SORBS3: variants seen among roughly 807,000 people sequenced by gnomAD.
SORBS3 encodes the protein vinexin.
In SORBS3, 69 loss-of-function variants were observed where a neutral mutation model predicts 98.0. The observed-to-expected ratio is 0.70, with a 90% confidence interval of 0.58 to 0.86. SORBS3 has a LOEUF of 0.86. Among genes scored for constraint, SORBS3 ranks in the 40% least tolerant of loss-of-function variants. The probability of loss-of-function intolerance (pLI) is 0.00; values close to 1 mark genes in which losing one functional copy is unlikely to be tolerated. For synonymous variants in SORBS3, 394 were observed against 355.4 expected (o/e 1.11, Z -1.22); for missense variants, 954 against 908.5 (o/e 1.05, Z -0.64).
At chr8:22,553,927 T>C (rs1183530065) in intron 1 of SORBS3, among the ~76,000 whole-genome samples, 2 of 152,200 alleles carry the variant, frequency 1.3e-5, no homozygotes, top group Non-Finnish European at 2.9e-5. Context: ...CTTGGCCCTA[T>C]TGGGCTTAAG....
In SORBS3 at chr8:22,571,203, G is replaced by A. The variant is rs1840574219; in HGVS notation, c.1725G>A (p.Glu575=). The A allele has an allele frequency of 5.8e-6, 9 of 1,554,440 alleles. No homozygotes were observed. Among genetic ancestry groups the A allele is most frequent in the Non-Finnish European group, 7.8e-6 (9 of 1,152,218 alleles). The part of the protein sequence containing the change: ...RRTGFSFPTQ[E]PRPQTQNLGT... The stretch of plus-strand genomic sequence containing the variant: ...CTGGCTTCTCCTTCCCCACCCAGGA[G>A]CCTAGACCCCAGACCCAGGTGAGGT... Residue 575 remains glutamate (E), a synonymous_variant, in exon 18 of 21, where the codon GAG becomes GAA. Coordinates refer to ENST00000240123, the MANE Select transcript of SORBS3 (RefSeq NM_005775.5).
chr8:22,554,790 G>C lies in SORBS3; in HGVS notation c.103-73G>C. 1 of 1,472,590 alleles carries C rather than the reference G, an allele frequency of 6.8e-7. No homozygotes were observed. The highest frequency in any genetic ancestry group is 9.4e-7 in the Non-Finnish European group (1 of 1,069,144). The allele number at this position is 1,472,590 out of a possible 1,614,324, so 91.2% of individuals were successfully genotyped here. On this transcript the variant is annotated intron_variant, in intron 2 of 20. Coordinates refer to ENST00000240123, the MANE Select transcript of SORBS3 (RefSeq NM_005775.5). The surrounding 1 kb of genome is among the most constrained non-coding windows in gnomAD (Gnocchi z 6.5). Reference sequence around the variant, plus strand: ...CTGGGACTGTCACCGAGGGGTGTGGGCTGTGCCTAGTAGCCATCCCTCCCT... The same window carrying C: ...CTGGGACTGTCACCGAGGGGTGTGGCCTGTGCCTAGTAGCCATCCCTCCCT...
intron 17 of SORBS3, among the ~76,000 whole-genome samples, 190 bp from the exon 18 acceptor site, chr8:22,570,720 T>TGCCTGGGCA (rs1468615696): frequency 5.3e-5 from 8 of 152,186 alleles, no homozygotes; most frequent in Non-Finnish European, 1.2e-4. Flanking sequence ...GCCTCAGCCT[T>TGCCTGGGCA]GCCTGGGCAG....
chr8:22,557,548 G>C (rs796171227), intron 4 of SORBS3, among the ~76,000 whole-genome samples: 35 of 152,280 alleles, frequency 2.3e-4, no homozygotes, highest in African/African-American at 8.2e-4. Flanking sequence ...ACTCACGCCT[G>C]TAATCCCAGC....
At chr8:22,570,802 C>A in intron 17 of SORBS3, 108 bp from the exon 18 acceptor site, 8 of 984,420 alleles carry the variant, frequency 8.1e-6, no homozygotes, top group Non-Finnish European at 1.2e-5. Context: ...GCGATTCCGA[C>A]CCCTCGTGTG....
intron 1 of SORBS3, among the ~76,000 whole-genome samples, chr8:22,552,863 C>T (rs1037321486): frequency 5.3e-5 from 8 of 152,202 alleles, no homozygotes; most frequent in Non-Finnish European, 1.0e-4. Context: ...GTGTGTCTGC[C>T]TGTTTTGCTT....
chr8:22,565,598 C>T, intron 11 of SORBS3: 2 of 779,812 alleles, frequency 2.6e-6, no homozygotes, highest in South Asian at 6.2e-5. Context: ...GTCAGCCCGA[C>T]GACCGGGCGC....
intron 11 of SORBS3, 172 bp downstream of exon 11, chr8:22,565,526 A>C: frequency 1.7e-6 from 1 of 583,418 alleles, no homozygotes; most frequent in Non-Finnish European, 2.6e-6. Context: ...TCCTCCATAA[A>C]TAAAATACAG....
chr8:22,557,439 CCTGTTTTGAGG>C (rs1242259204), intron 4 of SORBS3, among the ~76,000 whole-genome samples: 3 of 152,146 alleles, frequency 2.0e-5, no homozygotes, highest in Admixed American at 6.5e-5. Context: ...ACATTCCCTT[CCTGTTTTGAGG>C]CTGTTTTGAG....
chr8:22,562,791 C>G (rs943039004), intron 7 of SORBS3, among the ~76,000 whole-genome samples: 4 of 152,204 alleles, frequency 2.6e-5, no homozygotes, highest in Non-Finnish European at 4.4e-5. Context: ...ACATAGCAAG[C>G]CTGCACAAAC....
chr8:22,555,132 C>A, intron 3 of SORBS3, 152 bp downstream of exon 3: 1 of 677,446 alleles, frequency 1.5e-6, no homozygotes, highest in Admixed American at 2.6e-5. Flanking sequence ...TCACTATGAG[C>A]CCCTCCCTGC....
At chr8:22,564,972 C>T (rs1251479499) in intron 10 of SORBS3, 8 of 1,341,316 alleles carry the variant, frequency 6.0e-6, no homozygotes, top group African/African-American at 4.5e-5. Flanking sequence ...AATGGGGAAC[C>T]CCATTGGTGC....
chr8:22,546,112 AAAG>A (rs1451375418), intron 1 of SORBS3, among the ~76,000 whole-genome samples: 1 of 152,196 alleles, frequency 6.6e-6, no homozygotes, highest in Non-Finnish European at 1.5e-5. Flanking sequence ...CAGTTATGTT[AAAG>A]AAGGCGAGGG....
At chr8:22,565,009 A>G (rs1840375287) in intron 10 of SORBS3, 1 of 1,384,456 alleles carries the variant, frequency 7.2e-7, no homozygotes, top group Non-Finnish European at 9.3e-7. Flanking sequence ...CTTGGCAGAA[A>G]CTGGCAGGAC....
At chr8:22,552,704 G>C (rs1317213588) in intron 1 of SORBS3, among the ~76,000 whole-genome samples, 1 of 152,182 alleles carries the variant, frequency 6.6e-6, no homozygotes, top group South Asian at 2.1e-4. Flanking sequence ...TGGCCCAGGC[G>C]GCAGCTGCTG....
At position 22,564,308 on chromosome 8, in the gene SORBS3, AC is replaced by A. The variant is rs1437393815; in HGVS notation, c.702del (p.Asp234GlufsTer16). The A allele has an allele frequency of 1.9e-6, 3 of 1,611,160 alleles. No homozygotes were observed. The highest frequency in any genetic ancestry group is 2.5e-6 in the Non-Finnish European group (3 of 1,178,514). On this transcript the variant is annotated frameshift_variant, in exon 9 of 21. Transcript: ENST00000240123. LOFTEE classifies it high-confidence loss of function. ...GTGCTCAGACGCCGGGAAAAAGTAG[AC>A]AATGTCTGGACGGAAGAGTCCTGGA... ...NQVLRRREKV[D>X]NVWTEESWNQ...
At chr8:22,560,828 CATGCGTGTGTGTGTGTGTGTGTGTGTGT>C (rs1840275781) in intron 5 of SORBS3, 2 of 137,516 alleles carry the variant, frequency 1.5e-5, no homozygotes, top group African/African-American at 6.0e-5. Flanking sequence ...CGTTGCAGCG[CATGCGTGTGTGTGTGTGTGTGTGTGTGT>C]GTGTGTGTGT....
At chr8:22,550,678 A>G (rs1197771297), upstream of SORBS3, among the ~76,000 whole-genome samples, 1 of 152,146 alleles carries the variant, frequency 6.6e-6, no homozygotes, top group Non-Finnish European at 1.5e-5. Flanking sequence ...TTTCTTTCCA[A>G]ACTTTGAGTT....
At chr8:22,565,777 C>G in intron 11 of SORBS3, 49 bp from the exon 12 acceptor site, 2 of 1,304,134 alleles carry the variant, frequency 1.5e-6, no homozygotes, top group East Asian at 3.2e-5. Context: ...CCTCGGCTGC[C>G]GCTGGGTCCC....
Sources: gnomAD v4.1 joint callset for allele counts (sites outside exome capture counted in the v4.1 genomes callset) on GRCh38, gnomAD v4.1.1 for gene constraint, Gnocchi (gnomAD v3.1) non-coding constraint, MANE v1.5 for transcripts, NCBI Gene and HGNC (gene_info 2026-07-23, HGNC 2026-07-21) for gene names.